SMYD3: variants seen among roughly 807,000 people sequenced by gnomAD.
SMYD3 encodes SET and MYND domain containing 3.
A neutral mutation model predicts 57.7 loss-of-function variants in SMYD3; 36 were observed. The observed-to-expected ratio is 0.62, with a 90% CI of 0.48 to 0.82. The LOEUF (loss-of-function observed/expected upper bound fraction) is 0.82. SMYD3 is among the 40% of genes least tolerant of loss of function. The pLI is 0.00. For synonymous variants in SMYD3, 211 were observed against 195.0 expected (o/e 1.08, Z -0.68); for missense variants, 515 against 538.8 (o/e 0.96, Z 0.44).
At chr1:246,086,677 A>T (rs2147865790) in intron 5 of SMYD3, among the ~76,000 whole-genome samples, 1 of 152,122 alleles carries the variant, frequency 6.6e-6, no homozygotes, top group East Asian at 1.9e-4. Flanking sequence ...AGTTGCTACC[A>T]TATGACACCT....
intron 5 of SMYD3, among the ~76,000 whole-genome samples, chr1:246,209,486 C>G (rs1003663543): frequency 1.3e-5 from 2 of 151,522 alleles, no homozygotes; most frequent in African/African-American, 4.9e-5. Flanking sequence ...ACTGTATAAG[C>G]AAAAATCACT....
chr1:246,186,470 CTCT>C (rs1047899663), intron 5 of SMYD3, among the ~76,000 whole-genome samples: 61 of 152,230 alleles, frequency 4.0e-4, no homozygotes, highest in African/African-American at 1.4e-3. Context: ...ACAAAACATG[CTCT>C]TTTTTTTTTA....
intron 5 of SMYD3, among the ~76,000 whole-genome samples, chr1:246,277,849 G>A (rs970284533): frequency 2.0e-5 from 3 of 152,134 alleles, no homozygotes; most frequent in Non-Finnish European, 4.4e-5. Flanking sequence ...GCAGATCAGT[G>A]GTTGCTGCAG....
At chr1:245,937,813 G>A (rs908607297) in intron 5 of SMYD3, among the ~76,000 whole-genome samples, 1 of 152,192 alleles carries the variant, frequency 6.6e-6, no homozygotes, top group African/African-American at 2.4e-5. Context: ...TATTCTCTAA[G>A]TAAGTGGTGT....
intron 10 of SMYD3, among the ~76,000 whole-genome samples, chr1:245,785,055 T>C (rs775873270): frequency 1.6e-4 from 24 of 149,744 alleles, no homozygotes; most frequent in Non-Finnish European, 2.7e-4. Flanking sequence ...TTCACTATGT[T>C]GGCCAGGCTG....
intron 5 of SMYD3, among the ~76,000 whole-genome samples, chr1:246,150,928 G>T (rs911483360): frequency 6.6e-6 from 1 of 152,198 alleles, no homozygotes; most frequent in African/African-American, 2.4e-5. Context: ...AGGTTGAAAT[G>T]ATACTCTAGA....
At chr1:246,492,763 T>G (rs2068291326) in intron 1 of SMYD3, among the ~76,000 whole-genome samples, 1 of 152,216 alleles carries the variant, frequency 6.6e-6, no homozygotes, top group Non-Finnish European at 1.5e-5. Flanking sequence ...TACAGCCTGT[T>G]TCTAAATATA....
intron 1 of SMYD3, among the ~76,000 whole-genome samples, chr1:246,498,192 G>A (rs192497492): frequency 5.1e-4 from 77 of 152,212 alleles, no homozygotes; most frequent in Non-Finnish European, 5.9e-5. Flanking sequence ...CTACCCTGAA[G>A]ATACACCAGC....
intron 1 of SMYD3, among the ~76,000 whole-genome samples, chr1:246,496,892 C>T (rs930412949): frequency 6.6e-6 from 1 of 152,120 alleles, no homozygotes; most frequent in Non-Finnish European, 1.5e-5. Flanking sequence ...TAAAACTAAA[C>T]ATGAATAGGC....
intron 5 of SMYD3, among the ~76,000 whole-genome samples, chr1:246,021,740 T>G (rs1232691623): frequency 6.6e-6 from 1 of 152,222 alleles, no homozygotes; most frequent in Non-Finnish European, 1.5e-5. Flanking sequence ...GGCAAAAATT[T>G]TACATAGCAA....
In SMYD3 at chr1:246,507,047, T is replaced by C. The variant is rs1424643469; in HGVS notation, c.164+7A>G. Reference sequence around the variant, plus strand: ...GACTCAGGTAGGCGAGGGCGCTCCTTACGCACCCGAGAAGGCAGCGGTCGC... The same window carrying C: ...GACTCAGGTAGGCGAGGGCGCTCCTCACGCACCCGAGAAGGCAGCGGTCGC... On this transcript the variant is annotated splice_region_variant and intron_variant, in intron 1 of 11. Transcript: ENST00000490107. The C allele has an allele frequency of 6.8e-7, 1 of 1,467,660 alleles. No individual in the cohort carries two copies. 90.9% of individuals were successfully genotyped at this position (1,467,660 alleles called of 1,614,324 possible).
chr1:246,491,611 A>G lies in SMYD3; in HGVS notation c.164+15443T>C, dbSNP rs1263446338. Among the ~76,000 whole-genome samples, 11 of 152,190 alleles carry G rather than the reference A, an allele frequency of 7.2e-5. 1 individual carries two copies. The highest frequency in any genetic ancestry group is 1.6e-4 in the Non-Finnish European group (11 of 68,030). ...AAAGGCATATTTAAGGAAGACTACT[A>G]ATATGGCAACACTTCATAGAACAGA... On this transcript the variant is annotated intron_variant, in intron 1 of 11. Transcript: ENST00000490107.
chr1:246,185,096 C>T (rs891070104), intron 5 of SMYD3, among the ~76,000 whole-genome samples: 1 of 152,214 alleles, frequency 6.6e-6, no homozygotes, highest in Non-Finnish European at 1.5e-5. Context: ...TAACAGCCAT[C>T]ATTTTCTATA....
rs1489317223 is a variant in SMYD3 at position 246,244,912 on chromosome 1, T to TA, written c.531+82288dup. 5.9e-5 allele frequency among the ~76,000 whole-genome samples: 9 copies of TA among 152,314 alleles called. No individual in the cohort carries two copies. The South Asian group carries it at 1.9e-3, about 32-fold the overall frequency. ...TTATTCATGAACTATTCTGAATACA[T>TA]ACCAAATGATACCCCAGTGATCTTC... is the stretch of plus-strand genomic sequence containing the variant. On this transcript the variant is annotated intron_variant, in intron 5 of 11. Transcript: ENST00000490107.
chr1:246,243,953 T>C (rs1427902745), intron 5 of SMYD3, among the ~76,000 whole-genome samples: 1 of 112,966 alleles, frequency 8.9e-6, no homozygotes, highest in African/African-American at 3.2e-5. Flanking sequence ...CAAATGTCTA[T>C]AGTCCCAGCT....
intron 5 of SMYD3, among the ~76,000 whole-genome samples, chr1:246,028,228 G>T (rs753196729): frequency 3.7e-4 from 56 of 152,264 alleles, no homozygotes; most frequent in African/African-American, 1.0e-3. Flanking sequence ...ATGAGTAGTG[G>T]AAGTCCTAGT....
At chr1:245,969,012 A>G (rs2058227029) in intron 5 of SMYD3, among the ~76,000 whole-genome samples, 1 of 152,136 alleles carries the variant, frequency 6.6e-6, no homozygotes, top group African/African-American at 2.4e-5. Context: ...TGTGGAGGCA[A>G]CCTCTAAAAA....
intron 10 of SMYD3, among the ~76,000 whole-genome samples, chr1:245,805,494 T>C (rs897677573): frequency 1.3e-5 from 2 of 152,260 alleles, no homozygotes; most frequent in Admixed American, 6.5e-5. Context: ...TTTGCTGATG[T>C]GCAATTTGTA....
At chr1:246,316,824 T>G (rs2065168687) in intron 5 of SMYD3, among the ~76,000 whole-genome samples, 1 of 150,744 alleles carries the variant, frequency 6.6e-6, no homozygotes. Context: ...TGAAACCCCA[T>G]CTCAACTAAA....
Sources: allele counts gnomAD v4.1 joint callset (sites outside exome capture counted in the v4.1 genomes callset), GRCh38; gene constraint gnomAD v4.1.1; transcripts MANE v1.5; gene names NCBI Gene and HGNC (gene_info 2026-07-23, HGNC 2026-07-21).